C8orf34: variants seen among roughly 807,000 people sequenced by gnomAD.
C8orf34 encodes uncharacterized protein C8orf34.
In C8orf34, 65 loss-of-function variants were observed where a neutral mutation model predicts 68.3. The observed-to-expected ratio is 0.95, with a 90% confidence interval of 0.78 to 1.17. The LOEUF (loss-of-function observed/expected upper bound fraction) is 1.17. Ranked by LOEUF, C8orf34 falls within the 50% of genes most tolerant of loss-of-function variation. The probability of loss-of-function intolerance (pLI) is 0.00; values close to 1 mark genes in which losing one functional copy is unlikely to be tolerated. For missense variants in C8orf34, 664 were observed against 655.4 expected, an observed-to-expected ratio of 1.01 and a Z score of -0.14; for synonymous variants, 244 against 241.2, an observed-to-expected ratio of 1.01 and a Z score of -0.11.
chr8:68,687,599 T>C (rs934919717), intron 8 of C8orf34, among the ~76,000 whole-genome samples: 1 of 151,904 alleles, frequency 6.6e-6, no homozygotes. Flanking sequence ...TCTCACCTTA[T>C]AAAAAAATCA....
intron 10 of C8orf34, among the ~76,000 whole-genome samples, chr8:68,771,694 A>G (rs1324888989): frequency 6.6e-6 from 1 of 152,104 alleles, no homozygotes; most frequent in Non-Finnish European, 1.5e-5. Context: ...CTCAAGCACT[A>G]TTCTTTCCAC....
At chr8:68,619,717 G>A (rs1037468443) in intron 7 of C8orf34, among the ~76,000 whole-genome samples, 14 of 152,062 alleles carry the variant, frequency 9.2e-5, no homozygotes, top group African/African-American at 3.1e-4. Context: ...GAGAATTTTG[G>A]AATTTTCCTA....
chr8:68,650,634 C>T (rs543040592), intron 8 of C8orf34, among the ~76,000 whole-genome samples: 5 of 152,158 alleles, frequency 3.3e-5, no homozygotes, highest in East Asian at 3.9e-4. Context: ...CGCCCGCCAC[C>T]ACGCCCGGCT....
At chr8:68,521,517 C>T (rs186060558) in intron 5 of C8orf34, among the ~76,000 whole-genome samples, 8 of 152,276 alleles carry the variant, frequency 5.3e-5, no homozygotes, top group African/African-American at 1.7e-4. Context: ...CTTCCTTCTG[C>T]CTTGAATGCT....
At chr8:68,702,140 T>C (rs1333150671) in intron 8 of C8orf34, among the ~76,000 whole-genome samples, 1 of 152,070 alleles carries the variant, frequency 6.6e-6, no homozygotes, top group Non-Finnish European at 1.5e-5. Context: ...GTAATCTCCA[T>C]GAGAATGGAA....
At chr8:68,619,773 A>C (rs1349276809) in intron 7 of C8orf34, among the ~76,000 whole-genome samples, 1 of 152,186 alleles carries the variant, frequency 6.6e-6, no homozygotes, top group Non-Finnish European at 1.5e-5. Context: ...AGCTCCTCAG[A>C]GGTTTAATTA....
At chr8:68,570,824 C>T (rs556398541) in intron 7 of C8orf34, among the ~76,000 whole-genome samples, 20 of 152,208 alleles carry the variant, frequency 1.3e-4, no homozygotes, top group South Asian at 1.2e-3. Flanking sequence ...CATTAAGGTA[C>T]GAGAAGCACC....
chr8:68,537,119 T>C (rs1195588911), intron 7 of C8orf34, among the ~76,000 whole-genome samples: 6 of 152,252 alleles, frequency 3.9e-5, no homozygotes, highest in Admixed American at 6.5e-5. Flanking sequence ...TAAAGAAGAA[T>C]GTGCCCACAT....
At chr8:68,646,799 C>T (rs1377211560) in intron 8 of C8orf34, among the ~76,000 whole-genome samples, 1 of 152,098 alleles carries the variant, frequency 6.6e-6, no homozygotes, top group Admixed American at 6.5e-5. Context: ...GAATTTTCTT[C>T]TTTTTAAAGG....
chr8:68,643,082 AC>A (rs1345946626), intron 8 of C8orf34, among the ~76,000 whole-genome samples: 1 of 152,100 alleles, frequency 6.6e-6, no homozygotes, highest in Admixed American at 6.5e-5. Context: ...GGGGTTGGGG[AC>A]CCCCATGCTA....
chr8:68,783,878 C>A (rs1360233977), intron 11 of C8orf34, among the ~76,000 whole-genome samples: 2 of 152,132 alleles, frequency 1.3e-5, no homozygotes, highest in South Asian at 2.1e-4. Flanking sequence ...GGGGTTCACA[C>A]TTTCAATATT....
At chr8:68,450,820 A>C (rs1811310272) in intron 3 of C8orf34, among the ~76,000 whole-genome samples, 1 of 152,064 alleles carries the variant, frequency 6.6e-6, no homozygotes, top group Admixed American at 6.6e-5. Context: ...GGATTTTTGG[A>C]ATGGTGAATA....
At chr8:68,795,026 G>A (rs907092408) in intron 12 of C8orf34, among the ~76,000 whole-genome samples, 33 of 152,094 alleles carry the variant, frequency 2.2e-4, no homozygotes, top group African/African-American at 8.0e-4. Flanking sequence ...CTGTTCCTCA[G>A]ATTGCATAAT....
intron 10 of C8orf34, among the ~76,000 whole-genome samples, chr8:68,729,029 A>G (rs904836673): frequency 1.3e-5 from 2 of 152,236 alleles, no homozygotes; most frequent in African/African-American, 4.8e-5. Context: ...AGATGCAAAT[A>G]TACTCTTTTC....
At chr8:68,808,784 A>G (rs911346066) in intron 12 of C8orf34, among the ~76,000 whole-genome samples, 9 of 152,126 alleles carry the variant, frequency 5.9e-5, no homozygotes, top group African/African-American at 9.7e-5. Flanking sequence ...CTTGGAACCC[A>G]TAGGACAACT....
At chr8:68,466,689 C>G (rs1056348477) in intron 3 of C8orf34, among the ~76,000 whole-genome samples, 3 of 145,348 alleles carry the variant, frequency 2.1e-5, no homozygotes, top group Non-Finnish European at 4.5e-5. Context: ...GAAATATTTG[C>G]TAAAATAAAC....
intron 2 of C8orf34, among the ~76,000 whole-genome samples, chr8:68,443,233 G>A (rs1167086601): frequency 6.6e-6 from 1 of 152,094 alleles, no homozygotes; most frequent in Non-Finnish European, 1.5e-5. Flanking sequence ...TGGCCCAGAG[G>A]AAGAGGAAAA....
chr8:68,780,059 A>G (rs932468235), intron 11 of C8orf34, among the ~76,000 whole-genome samples: 2 of 152,212 alleles, frequency 1.3e-5, no homozygotes, highest in Non-Finnish European at 2.9e-5. Context: ...ATAGTCATAA[A>G]GGAATGCTGA....
At chr8:68,778,794 A>G (rs1270033076) in intron 11 of C8orf34, among the ~76,000 whole-genome samples, 1 of 152,226 alleles carries the variant, frequency 6.6e-6, no homozygotes, top group Non-Finnish European at 1.5e-5. Context: ...TCATTTAGAA[A>G]GAGTATAATT....
Sources: allele counts gnomAD v4.1 joint callset (sites outside exome capture counted in the v4.1 genomes callset), GRCh38; gene constraint gnomAD v4.1.1; transcripts MANE v1.5; gene names NCBI Gene and HGNC (gene_info 2026-07-23, HGNC 2026-07-21).